Variants in NEMP2 observed in about 807,000 individuals in gnomAD.
The protein encoded by NEMP2 is nuclear envelope integral membrane protein 2.
NEMP2 carries 53 observed loss-of-function variants against 54.2 expected under a neutral mutation model. That is an observed-to-expected ratio of 0.98 (90% CI 0.78 to 1.23). NEMP2 has a LOEUF of 1.23. Ranked by LOEUF, NEMP2 falls within the 50% of genes most tolerant of loss-of-function variation. NEMP2 has a pLI of 0.00. For synonymous variants in NEMP2, 197 were observed against 190.3 expected (o/e 1.04, Z -0.29); for missense variants, 455 against 511.3 (o/e 0.89, Z 1.06).
the NEMP2 span, among the ~76,000 whole-genome samples, chr2:190,492,467 G>A: frequency 1.6e-4 from 25 of 152,138 alleles, no homozygotes; most frequent in Admixed American, 6.5e-5. The surrounding 1 kb of genome is among the most constrained non-coding windows in gnomAD (Gnocchi z 5.2). Context: ...AACCCTACAA[G>A]CTAGAAGGGA....
At chr2:190,468,691 G>A in the NEMP2 span, among the ~76,000 whole-genome samples, 9 of 150,086 alleles carry the variant, frequency 6.0e-5, no homozygotes, top group Non-Finnish European at 1.2e-4. Flanking sequence ...ACTCTTGGGC[G>A]CAAGTGATCC....
At chr2:190,524,478 A>T (rs1690861261) in intron 2 of NEMP2, among the ~76,000 whole-genome samples, 1 of 152,158 alleles carries the variant, frequency 6.6e-6, no homozygotes, top group Non-Finnish European at 1.5e-5. Flanking sequence ...ATCAATTGAC[A>T]TCAAATGCTT....
rs770696925 is a variant in NEMP2 at position 190,512,634 on chromosome 2, G to A, written c.953+1819C>T. On this transcript the variant is annotated intron_variant, in intron 7 of 8. Coordinates refer to ENST00000409150, the MANE Select transcript of NEMP2 (RefSeq NM_001142645.2). The surrounding 1 kb of genome is among the most constrained non-coding windows in gnomAD (Gnocchi z 4.5). Reference sequence around the variant, plus strand: ...ACACTCTGCTCTTGGCAGGGAGCTGGATGGTTAAAGGGAAGGAAGAAGGAA... The same window carrying A: ...ACACTCTGCTCTTGGCAGGGAGCTGAATGGTTAAAGGGAAGGAAGAAGGAA... 6.6e-6 allele frequency among the ~76,000 whole-genome samples: 1 copy of A among 152,212 alleles called. No individual in the cohort carries two copies. Among genetic ancestry groups the A allele is most frequent in the Non-Finnish European group, 1.5e-5 (1 of 68,042 alleles).
At chr2:190,474,677 A>G in the NEMP2 span, among the ~76,000 whole-genome samples, 1 of 152,230 alleles carries the variant, frequency 6.6e-6, no homozygotes, top group African/African-American at 2.4e-5. Context: ...AACTATTCCA[A>G]TCAAGAGAAA....
At chr2:190,518,860 A>G (rs1043055968) in intron 3 of NEMP2, 52 bp from the exon 4 acceptor site, 32 of 1,521,186 alleles carry the variant, frequency 2.1e-5, no homozygotes, top group Non-Finnish European at 2.7e-5. Flanking sequence ...TATCAATGTA[A>G]TGTTGGTAAA....
the NEMP2 span, among the ~76,000 whole-genome samples, chr2:190,423,611 T>C: frequency 6.6e-6 from 1 of 152,232 alleles, no homozygotes; most frequent in South Asian, 2.1e-4. This position sits in a 1 kb window ranked among gnomAD's most constrained non-coding sequence, Gnocchi z 4.3. Context: ...TATGCATGGG[T>C]TTCTGTGTGA....
the NEMP2 span, chr2:190,437,657 T>A: frequency 6.4e-6 from 9 of 1,411,096 alleles, no homozygotes; most frequent in African/African-American, 1.4e-5. This position sits in a 1 kb window ranked among gnomAD's most constrained non-coding sequence, Gnocchi z 5.9. Flanking sequence ...GTATTATAAT[T>A]TGTGTTGAGG....
chr2:190,597,046 G>A, the NEMP2 span, among the ~76,000 whole-genome samples: 47 of 152,186 alleles, frequency 3.1e-4, no homozygotes, highest in African/African-American at 1.1e-3. The surrounding 1 kb of genome is among the most constrained non-coding windows in gnomAD (Gnocchi z 4.7). Flanking sequence ...GAGATAGCTT[G>A]AGCCCAGGAG....
At chr2:190,496,836 C>T in the NEMP2 span, among the ~76,000 whole-genome samples, 2 of 152,162 alleles carry the variant, frequency 1.3e-5, no homozygotes, top group African/African-American at 4.8e-5. The surrounding 1 kb of genome is among the most constrained non-coding windows in gnomAD (Gnocchi z 4.7). Flanking sequence ...CGTATATTCT[C>T]ACTCATAAGT....
the NEMP2 span, among the ~76,000 whole-genome samples, chr2:190,636,028 G>A: frequency 6.6e-6 from 1 of 152,144 alleles, no homozygotes; most frequent in Non-Finnish European, 1.5e-5. Flanking sequence ...ATCATGCCTG[G>A]TTAAGTTTTT....
the NEMP2 span, chr2:190,454,451 GGGCCCTCA>G: frequency 6.6e-6 from 1 of 152,118 alleles, no homozygotes; most frequent in Non-Finnish European, 1.5e-5. The surrounding 1 kb of genome is among the most constrained non-coding windows in gnomAD (Gnocchi z 4.6). Flanking sequence ...CATGAGAGTG[GGGCCCTCA>G]TAATGGGGTT....
the NEMP2 span, among the ~76,000 whole-genome samples, chr2:190,600,893 T>C: frequency 6.6e-6 from 1 of 152,170 alleles, no homozygotes; most frequent in Non-Finnish European, 1.5e-5. The surrounding 1 kb of genome is among the most constrained non-coding windows in gnomAD (Gnocchi z 4.9). Context: ...CAGGTCTTAG[T>C]GGTGTGTTCC....
At chr2:190,432,102 G>A in the NEMP2 span, among the ~76,000 whole-genome samples, 1 of 152,146 alleles carries the variant, frequency 6.6e-6, no homozygotes, top group East Asian at 1.9e-4. Context: ...ATATTTAGTG[G>A]AAGGTCTTGA....
the NEMP2 span, chr2:190,610,665 T>G: frequency 2.6e-5 from 4 of 152,358 alleles, no homozygotes; most frequent in Non-Finnish European, 5.9e-5. The surrounding 1 kb of genome is among the most constrained non-coding windows in gnomAD (Gnocchi z 5.4). Context: ...AATAACTATA[T>G]TGCCATAAAT....
chr2:190,480,136 C>T, the NEMP2 span, among the ~76,000 whole-genome samples: 1 of 152,214 alleles, frequency 6.6e-6, no homozygotes, highest in East Asian at 1.9e-4. Context: ...GCATTCCAGC[C>T]TGGGTGACAC....
At chr2:190,537,748 G>C (rs1414302385), upstream of NEMP2, among the ~76,000 whole-genome samples, 2 of 152,200 alleles carry the variant, frequency 1.3e-5, 1 homozygote, top group Non-Finnish European at 2.9e-5. Flanking sequence ...ATTTTCTGGA[G>C]AGAAATTCAA....
chr2:190,509,147 C>G lies in NEMP2; in HGVS notation c.*42G>C, dbSNP rs573688762. 1 of 1,548,766 alleles carries G rather than the reference C, an allele frequency of 6.5e-7. No homozygotes were observed. Among genetic ancestry groups the G allele is most frequent in the Admixed American group, 2.0e-5 (1 of 50,592 alleles). ...CTTTAATAGAATCCCTGCCCTTTGCCCACTTCCTTGTCCAGAATGAAGTCA... is the reference window on the plus strand; with the variant it reads ...CTTTAATAGAATCCCTGCCCTTTGCGCACTTCCTTGTCCAGAATGAAGTCA... On this transcript the variant is annotated 3_prime_UTR_variant, in exon 9 of 9. Transcript: ENST00000409150. This position sits in a 1 kb window ranked among gnomAD's most constrained non-coding sequence, Gnocchi z 6.1.
chr2:190,557,573 A>G, the NEMP2 span, among the ~76,000 whole-genome samples: 1 of 152,354 alleles, frequency 6.6e-6, no homozygotes, highest in South Asian at 2.1e-4. Context: ...CAATGTATCC[A>G]TCTGATAAAG....
At chr2:190,427,998 C>T in the NEMP2 span, among the ~76,000 whole-genome samples, 1 of 152,220 alleles carries the variant, frequency 6.6e-6, no homozygotes, top group Non-Finnish European at 1.5e-5. Context: ...TCCCAAAGTG[C>T]TGGGATTACA....
Sources: allele counts gnomAD v4.1 joint callset (sites outside exome capture counted in the v4.1 genomes callset), GRCh38; gene constraint gnomAD v4.1.1; non-coding constraint Gnocchi (gnomAD v3.1); transcripts MANE v1.5; gene names NCBI Gene and HGNC (gene_info 2026-07-23, HGNC 2026-07-21).